CHCHD3: variants seen among roughly 807,000 people sequenced by gnomAD.
CHCHD3 encodes coiled-coil-helix-coiled-coil-helix domain containing 3, also known as MICOS complex subunit MIC19.
A neutral mutation model predicts 38.2 loss-of-function variants in CHCHD3; 20 were observed. The ratio of observed to expected loss-of-function variants is 0.52; its 90% CI spans 0.37 to 0.76. The LOEUF (loss-of-function observed/expected upper bound fraction) is 0.76. Among genes scored for constraint, CHCHD3 ranks in the 30% least tolerant of loss-of-function variants. The pLI is 0.00. For missense variants in CHCHD3, 245 were observed against 279.2 expected (o/e 0.88, Z 0.87); for synonymous variants, 82 against 100.0 (o/e 0.82, Z 1.07).
intron 5 of CHCHD3, among the ~76,000 whole-genome samples, chr7:132,844,022 G>A (rs1212924820): frequency 3.3e-5 from 5 of 152,194 alleles, no homozygotes; most frequent in Non-Finnish European, 7.3e-5. Flanking sequence ...CAAACGGGCC[G>A]GGCGAAGTGG....
At position 132,818,918 on chromosome 7, in the gene CHCHD3, C is replaced by CTAAT. The variant is rs531697119; in HGVS notation, c.524+19480_524+19481insATTA. Among the ~76,000 whole-genome samples, 16 of 152,324 alleles carry CTAAT rather than the reference C, an allele frequency of 1.1e-4. 1 individual carries two copies. The East Asian group carries it at 2.9e-3, about 28-fold the overall frequency. ...ATCTGGCATGTACTAGAGATGAACT[C>CTAAT]TGGCAATTAGCTAATGTCCAACAAA... On this transcript the variant is annotated intron_variant, in intron 6 of 7. Coordinates refer to ENST00000262570, the MANE Select transcript of CHCHD3 (RefSeq NM_017812.4).
chr7:132,797,363 C>A (rs965513541), intron 6 of CHCHD3, among the ~76,000 whole-genome samples: 1 of 152,062 alleles, frequency 6.6e-6, no homozygotes, highest in Non-Finnish European at 1.5e-5. Flanking sequence ...ATACTTCACT[C>A]AAGTGTCAGC....
chr7:132,889,152 T>A (rs139435841), intron 4 of CHCHD3, among the ~76,000 whole-genome samples: 222 of 152,154 alleles, frequency 1.5e-3, no homozygotes, highest in African/African-American at 4.9e-3. Flanking sequence ...TATTAACAAT[T>A]CAAAAAATTT....
intron 6 of CHCHD3, among the ~76,000 whole-genome samples, chr7:132,831,591 A>T (rs1807653007): frequency 6.6e-6 from 1 of 152,230 alleles, no homozygotes; most frequent in African/African-American, 2.4e-5. Flanking sequence ...GAGAAACTAG[A>T]AAGAGAAGCA....
chr7:132,808,462 C>T (rs1240003746), intron 6 of CHCHD3, among the ~76,000 whole-genome samples: 1 of 152,200 alleles, frequency 6.6e-6, no homozygotes, highest in Admixed American at 6.5e-5. Context: ...TTTCGAGTCT[C>T]TTCACCAGTC....
At chr7:132,888,823 A>C (rs1449121113) in intron 4 of CHCHD3, among the ~76,000 whole-genome samples, 1 of 152,054 alleles carries the variant, frequency 6.6e-6, no homozygotes. Flanking sequence ...ACACGTCATA[A>C]AATAGCATGT....
At chr7:132,965,453 G>GAAA (rs112505425) in intron 4 of CHCHD3, among the ~76,000 whole-genome samples, 8 of 135,348 alleles carry the variant, frequency 5.9e-5, no homozygotes, top group African/African-American at 1.6e-4. Flanking sequence ...TTAGTTAAAT[G>GAAA]AAAAAAAAAA....
intron 1 of CHCHD3, among the ~76,000 whole-genome samples, chr7:133,073,260 T>C (rs1478671772): frequency 6.6e-6 from 1 of 152,064 alleles, no homozygotes; most frequent in Non-Finnish European, 1.5e-5. Context: ...TTTTGCAGCT[T>C]CCCCTCTCCT....
chr7:132,811,809 G>C (rs910742780), intron 6 of CHCHD3, among the ~76,000 whole-genome samples: 1 of 152,102 alleles, frequency 6.6e-6, no homozygotes, highest in Non-Finnish European at 1.5e-5. Context: ...CAATGTTGGA[G>C]TTCCTTGGAG....
At chr7:133,000,355 G>A (rs1043886542) in intron 3 of CHCHD3, among the ~76,000 whole-genome samples, 1 of 152,086 alleles carries the variant, frequency 6.6e-6, no homozygotes, top group Non-Finnish European at 1.5e-5. Flanking sequence ...GAGTAACTGA[G>A]ACAAAAAGGC....
At chr7:132,834,096 TAGG>T (rs917818300) in intron 6 of CHCHD3, among the ~76,000 whole-genome samples, 3 of 152,260 alleles carry the variant, frequency 2.0e-5, no homozygotes. Flanking sequence ...GTCATACAGA[TAGG>T]AGCCAGTGAA....
chr7:132,849,184 T>C (rs11763065), intron 5 of CHCHD3: 79,901 of 151,984 alleles, frequency 0.53, 21,133 homozygotes, highest in South Asian at 0.6. Context: ...TCCATCACAA[T>C]ACCATTCTTG....
chr7:133,009,607 G>A (rs1024745012), intron 3 of CHCHD3, among the ~76,000 whole-genome samples: 1 of 151,642 alleles, frequency 6.6e-6, no homozygotes, highest in African/African-American at 2.4e-5. Context: ...TCCATGTTAC[G>A]CCATGCACCT....
At chr7:132,830,723 C>G (rs768667097) in intron 6 of CHCHD3, 1 of 152,178 alleles carries the variant, frequency 6.6e-6, no homozygotes, top group Non-Finnish European at 1.5e-5. Context: ...AGCACATTTG[C>G]AAATTCCAGA....
intron 3 of CHCHD3, among the ~76,000 whole-genome samples, chr7:132,981,451 A>G (rs1811916886): frequency 6.6e-6 from 1 of 152,200 alleles, no homozygotes; most frequent in African/African-American, 2.4e-5. Context: ...TATACTACTC[A>G]CCTTTGTGGT....
chr7:132,963,694 TACAC>T, intron 4 of CHCHD3, among the ~76,000 whole-genome samples: 1 of 148,904 alleles, frequency 6.7e-6, no homozygotes, highest in South Asian at 2.1e-4. Context: ...CAAACGATTA[TACAC>T]ACACACACAC....
chr7:132,854,792 C>T (rs974608220), intron 5 of CHCHD3, among the ~76,000 whole-genome samples: 3 of 151,882 alleles, frequency 2.0e-5, no homozygotes, highest in Non-Finnish European at 4.4e-5. Context: ...GATTCCACTG[C>T]TTATGATCTA....
At chr7:132,857,913 T>C (rs929694945) in intron 5 of CHCHD3, among the ~76,000 whole-genome samples, 1 of 152,212 alleles carries the variant, frequency 6.6e-6, no homozygotes. Context: ...CAAAAGCCTA[T>C]TTGGCCTAGC....
chr7:133,034,527 T>C (rs1416583940), intron 2 of CHCHD3: 2 of 544,650 alleles, frequency 3.7e-6, no homozygotes, highest in African/African-American at 1.9e-5. Context: ...TTTTTTTTTT[T>C]TTTCAATGTT....
Sources: allele counts gnomAD v4.1 joint callset (sites outside exome capture counted in the v4.1 genomes callset), GRCh38; gene constraint gnomAD v4.1.1; transcripts MANE v1.5; gene names NCBI Gene and HGNC (gene_info 2026-07-23, HGNC 2026-07-21).